STAT5B: variants seen among roughly 807,000 people sequenced by gnomAD.
The protein encoded by STAT5B is transcription factor STAT5B.
A neutral mutation model predicts 107.8 loss-of-function variants in STAT5B; 21 were observed. The ratio of observed to expected loss-of-function variants is 0.19; its 90% CI spans 0.14 to 0.28. STAT5B has a LOEUF of 0.28. Among genes scored for constraint, STAT5B ranks in the 10% least tolerant of loss-of-function variants. The pLI is 1.00. For synonymous variants in STAT5B, 325 were observed against 401.7 expected, an observed-to-expected ratio of 0.81 and a Z score of 2.28; for missense variants, 565 against 1,008.2, an observed-to-expected ratio of 0.56 and a Z score of 5.95.
chr17:42,261,783 C>T (rs901117988), intron 1 of STAT5B, among the ~76,000 whole-genome samples: 1 of 152,128 alleles, frequency 6.6e-6, no homozygotes, highest in African/African-American at 2.4e-5. Flanking sequence ...TACTTTTGAA[C>T]CCCTGGGCTC....
chr17:42,212,306 G>A (rs2080136254), intron 12 of STAT5B, 116 bp from the exon 13 acceptor site: 1 of 1,526,618 alleles, frequency 6.6e-7, no homozygotes. Flanking sequence ...GTCTTGCAGG[G>A]CCTGAGGATA....
the STAT5B span, among the ~76,000 whole-genome samples, chr17:42,283,100 C>A: frequency 3.9e-5 from 6 of 152,216 alleles, no homozygotes; most frequent in Non-Finnish European, 8.8e-5. Context: ...TCAGCCCCCT[C>A]GCACACAACC....
intron 1 of STAT5B, among the ~76,000 whole-genome samples, chr17:42,258,569 T>C (rs2144383166): frequency 6.6e-6 from 1 of 152,288 alleles, no homozygotes; most frequent in South Asian, 2.1e-4. Flanking sequence ...ATCCCAGCTA[T>C]CTGGGAGGCT....
At chr17:42,231,247 C>T (rs559932973) in intron 2 of STAT5B, among the ~76,000 whole-genome samples, 11 of 152,228 alleles carry the variant, frequency 7.2e-5, no homozygotes, top group African/African-American at 2.6e-4. Context: ...GTCAAGCAAT[C>T]CTCCCACCTC....
At chr17:42,211,945 A>G in intron 13 of STAT5B, 39 bp downstream of exon 13, 1 of 1,577,920 alleles carries the variant, frequency 6.3e-7, no homozygotes, top group Non-Finnish European at 8.6e-7. Flanking sequence ...CTGGTTGGGA[A>G]GGACTGATCT....
chr17:42,202,931 C>G, intron 16 of STAT5B, 123 bp from the exon 17 acceptor site: 1 of 1,269,790 alleles, frequency 7.9e-7, no homozygotes, highest in Non-Finnish European at 1.1e-6. Context: ...GGATATGACA[C>G]AAGCACTTAA....
At chr17:42,254,788 T>G (rs1426468796) in intron 1 of STAT5B, among the ~76,000 whole-genome samples, 2 of 151,804 alleles carry the variant, frequency 1.3e-5, no homozygotes, top group Non-Finnish European at 2.9e-5. Flanking sequence ...AATAGAAAAT[T>G]TTTAAAAATG....
intron 3 of STAT5B, 120 bp from the exon 4 acceptor site, chr17:42,224,988 A>C: frequency 1.1e-6 from 1 of 899,146 alleles, no homozygotes; most frequent in Admixed American, 2.0e-5. Flanking sequence ...CTGTTCCTCC[A>C]ATACCAACAG....
At chr17:42,286,619 A>C in the STAT5B span, among the ~76,000 whole-genome samples, 526 of 152,232 alleles carry the variant, frequency 3.5e-3, 3 homozygotes, top group African/African-American at 0.012. Context: ...CCCCTCTCTT[A>C]AGCAGGCACC....
rs537793285 is a variant in STAT5B at position 42,254,193 on chromosome 17, C to G, written c.-11+22055G>C. Among the ~76,000 whole-genome samples the G allele has an allele frequency of 9.2e-5, 14 of 152,132 alleles. No individual in the cohort carries two copies. In the South Asian group the frequency reaches 2.3e-3, roughly 25 times the overall value. On this transcript the variant is annotated intron_variant, in intron 1 of 18. Coordinates refer to ENST00000293328, the MANE Select transcript of STAT5B (RefSeq NM_012448.4). ...GAGTTCAAGACCAGCCTGGGCAACACAGCAAGACCTCATCTCTACAAAATA... is the reference window on the plus strand; with the variant it reads ...GAGTTCAAGACCAGCCTGGGCAACAGAGCAAGACCTCATCTCTACAAAATA...
chr17:42,223,274 T>A, intron 5 of STAT5B, 108 bp downstream of exon 5: 1 of 1,526,016 alleles, frequency 6.6e-7, no homozygotes, highest in Non-Finnish European at 9.0e-7. Flanking sequence ...CAGAGAAAGG[T>A]CGCTGCCTCC....
At chr17:42,238,945 TA>T (rs758681429) in intron 1 of STAT5B, among the ~76,000 whole-genome samples, 32 of 142,858 alleles carry the variant, frequency 2.2e-4, no homozygotes, top group Non-Finnish European at 3.1e-4. Context: ...ACTAAACTCT[TA>T]AAAAAAAAAG....
chr17:42,244,977 C>T (rs1441509991), intron 1 of STAT5B, among the ~76,000 whole-genome samples: 1 of 151,914 alleles, frequency 6.6e-6, no homozygotes, highest in Non-Finnish European at 1.5e-5. Flanking sequence ...TCTTGGCTCA[C>T]TGCAACCCCC....
upstream of STAT5B, among the ~76,000 whole-genome samples, chr17:42,279,153 C>T (rs2144458724): frequency 6.6e-6 from 1 of 150,858 alleles, no homozygotes; most frequent in South Asian, 2.1e-4. Context: ...CACTGCTCTC[C>T]AGCCTGGGCG....
Position 42,201,057 on chromosome 17 carries a change from G to A in STAT5B, c.*681C>T. The A allele has an allele frequency of 2.5e-6, 1 of 401,790 alleles. No individual in the cohort carries two copies. The allele number at this position is 401,790 out of a possible 1,614,324, so 24.9% of individuals were successfully genotyped here. On this transcript the variant is annotated 3_prime_UTR_variant, in exon 19 of 19. Coordinates refer to ENST00000293328, the MANE Select transcript of STAT5B (RefSeq NM_012448.4). ...TGCGGGCGGGCAGGAGGGGAGAGAG[G>A]ACAAAGAGAGAATAAGATGAGCTAA... is the stretch of plus-strand genomic sequence containing the variant.
intron 1 of STAT5B, chr17:42,275,694 C>T (rs1288289742): frequency 6.6e-6 from 1 of 152,134 alleles, no homozygotes; most frequent in Non-Finnish European, 1.5e-5. Flanking sequence ...TCCCGCCCCC[C>T]AGAGTCTTAT....
chr17:42,204,028 T>G (rs1567653693), intron 16 of STAT5B, among the ~76,000 whole-genome samples: 1 of 152,036 alleles, frequency 6.6e-6, no homozygotes, highest in Non-Finnish European at 1.5e-5. Context: ...ATGTCTGAGG[T>G]TCCTCTAACT....
chr17:42,243,865 C>T (rs1356163931), intron 1 of STAT5B, among the ~76,000 whole-genome samples: 4 of 151,924 alleles, frequency 2.6e-5, no homozygotes, highest in East Asian at 3.9e-4. Context: ...GCCATGGTGG[C>T]CCACAGTGTA....
In STAT5B at chr17:42,270,574, T is replaced by C. The variant is rs191992759; in HGVS notation, c.-11+5674A>G. On this transcript the variant is annotated intron_variant, in intron 1 of 18. Transcript: ENST00000293328. ...TTTCCACCAGAAGTATATACTTTAATTGGAAAAATATTTATCACCATCTTC... is the reference window on the plus strand; with the variant it reads ...TTTCCACCAGAAGTATATACTTTAACTGGAAAAATATTTATCACCATCTTC... 3.3e-5 allele frequency: 5 copies of C among 152,338 alleles called. No individual in the cohort carries two copies. In the East Asian group the frequency reaches 9.6e-4, roughly 29 times the overall value. 9.4% of individuals were successfully genotyped at this position (152,338 alleles called of 1,614,324 possible). A position where few individuals can be genotyped will look rare whatever the true frequency, so the allele number is the denominator to read the frequency against.
Sources: gnomAD v4.1 joint callset for allele counts (sites outside exome capture counted in the v4.1 genomes callset) on GRCh38, gnomAD v4.1.1 for gene constraint, MANE v1.5 for transcripts, NCBI Gene and HGNC (gene_info 2026-07-23, HGNC 2026-07-21) for gene names.